Variants in OOEP observed in about 807,000 individuals in gnomAD.
OOEP encodes the protein oocyte-expressed protein homolog.
In OOEP, 16 loss-of-function variants were observed where a neutral mutation model predicts 13.7. The observed-to-expected ratio is 1.16, with a 90% CI of 0.79 to 1.77. The LOEUF (loss-of-function observed/expected upper bound fraction) is 1.77. OOEP is among the 40% of genes most tolerant of loss of function. OOEP has a pLI of 0.00. For synonymous variants in OOEP, 89 were observed against 77.1 expected (o/e 1.15, Z -0.81); for missense variants, 195 against 193.1 (o/e 1.01, Z -0.06).
intron 2 of OOEP, among the ~76,000 whole-genome samples, chr6:73,378,558 T>C (rs1281005980): frequency 6.6e-6 from 1 of 151,500 alleles, no homozygotes; most frequent in Non-Finnish European, 1.5e-5. Context: ...AGAAAGAAAA[T>C]CTATATATAT....
chr6:73,377,025 T>C, intron 2 of OOEP, among the ~76,000 whole-genome samples: 1 of 152,216 alleles, frequency 6.6e-6, no homozygotes, highest in South Asian at 2.1e-4. Flanking sequence ...TGCCCTATGG[T>C]TCTTTGGCTA....
chr6:73,391,030 C>T (rs183488005), intron 2 of OOEP: 10 of 152,202 alleles, frequency 6.6e-5, no homozygotes, highest in Middle Eastern at 3.4e-3. Flanking sequence ...ATGTTAAATC[C>T]GCCGGGCTTA....
At chr6:73,394,706 C>T (rs1769421026) in intron 1 of OOEP, 1 of 753,736 alleles carries the variant, frequency 1.3e-6, no homozygotes, top group Admixed American at 2.9e-5. Context: ...AAAGTCCCGC[C>T]CACAACGCTC....
exon 1 of OOEP, chr6:73,394,756 G>A: frequency 4.4e-6 from 5 of 1,140,306 alleles, no homozygotes; most frequent in South Asian, 3.1e-5. Flanking sequence ...GAAGTGGGCG[G>A]GATAGAGAGC....
At chr6:73,377,044 T>G (rs575879043) in intron 2 of OOEP, among the ~76,000 whole-genome samples, 1 of 152,320 alleles carries the variant, frequency 6.6e-6, no homozygotes, top group Admixed American at 6.5e-5. Flanking sequence ...TACATCCTTA[T>G]ATAATTGTGT....
upstream of OOEP, among the ~76,000 whole-genome samples, chr6:73,370,776 T>G (rs1184020537): frequency 6.6e-6 from 1 of 152,214 alleles, no homozygotes; most frequent in African/African-American, 2.4e-5. Flanking sequence ...TAACTATGTG[T>G]TTGTTTTAAA....
intron 2 of OOEP, among the ~76,000 whole-genome samples, chr6:73,389,845 TAATA>T (rs577324830): frequency 4.1e-4 from 63 of 152,300 alleles, no homozygotes; most frequent in African/African-American, 1.4e-3. Flanking sequence ...TAAAGTATAA[TAATA>T]AATAAAATAC....
intron 2 of OOEP, among the ~76,000 whole-genome samples, chr6:73,375,600 A>AAT (rs1484114398): frequency 2.1e-5 from 3 of 145,116 alleles, no homozygotes; most frequent in African/African-American, 7.4e-5. Flanking sequence ...GCTTATATAT[A>AAT]ATATATATAG....
At position 73,369,723 on chromosome 6, in the gene OOEP, G is replaced by A. The variant is rs746582278; in HGVS notation, c.70C>T (p.Leu24=). 23 of 1,613,934 alleles carry A rather than the reference G, an allele frequency of 1.4e-5. No individual in the cohort carries two copies. The highest frequency in any genetic ancestry group is 1.9e-5 in the Non-Finnish European group (23 of 1,179,902). ...GGCGGCGGAAGTGGTAACCTACGCA[G>A]CTGCTCCAGGGAGTGGGCCGGAGTC... The part of the protein sequence containing the change: ...KQTPAHSLEQ[L]RRLPLPPPQI... The change falls in exon 1 of 3, where the codon CTG becomes TTG. Residue 24 remains leucine (L), a synonymous_variant. Transcript: ENST00000370359.
chr6:73,381,238 AAAG>A (rs1451479588), intron 2 of OOEP, among the ~76,000 whole-genome samples: 21 of 151,150 alleles, frequency 1.4e-4, no homozygotes, highest in South Asian at 1.3e-3. Flanking sequence ...AGAAGAAGAA[AAAG>A]AAGAAGATGG....
upstream of OOEP, among the ~76,000 whole-genome samples, chr6:73,371,125 T>C (rs1385714337): frequency 6.6e-6 from 1 of 151,488 alleles, no homozygotes; most frequent in Admixed American, 6.6e-5. Flanking sequence ...AAACTCAAAA[T>C]AGTGAAAAGC....
intron 2 of OOEP, among the ~76,000 whole-genome samples, chr6:73,385,692 A>C (rs1009582516): frequency 6.6e-6 from 1 of 151,030 alleles, no homozygotes; most frequent in Non-Finnish European, 1.5e-5. Context: ...AGTTCAAGCG[A>C]TTCTCCTATC....
intron 2 of OOEP, among the ~76,000 whole-genome samples, chr6:73,393,711 G>A (rs1194355877): frequency 2.0e-5 from 3 of 152,094 alleles, no homozygotes; most frequent in Non-Finnish European, 2.9e-5. Context: ...CCAACTATTC[G>A]GGAGGCTGTG....
At chr6:73,371,063 C>G (rs1459703247), upstream of OOEP, among the ~76,000 whole-genome samples, 1 of 152,074 alleles carries the variant, frequency 6.6e-6, no homozygotes, top group East Asian at 1.9e-4. Flanking sequence ...ACTTTGGCCT[C>G]CCAAAGTGCT....
chr6:73,389,800 C>A (rs1769322339), intron 2 of OOEP, among the ~76,000 whole-genome samples: 1 of 152,108 alleles, frequency 6.6e-6, no homozygotes, highest in Non-Finnish European at 1.5e-5. Context: ...ACATATGTAA[C>A]AAACCTGCAC....
At chr6:73,394,346 C>T in exon 2 of OOEP, 2 of 715,526 alleles carry the variant, frequency 2.8e-6, no homozygotes, top group Non-Finnish European at 5.2e-6. Flanking sequence ...AGTGACTTAC[C>T]TTTATGGGTC....
chr6:73,372,094 C>T (rs376784898), upstream of OOEP, among the ~76,000 whole-genome samples: 12 of 152,172 alleles, frequency 7.9e-5, no homozygotes, highest in East Asian at 1.7e-3. Flanking sequence ...GGTGACAGAG[C>T]GAGACCCTAA....
chr6:73,387,337 A>C (rs549153571), intron 2 of OOEP, among the ~76,000 whole-genome samples: 1 of 151,864 alleles, frequency 6.6e-6, no homozygotes, highest in African/African-American at 2.4e-5. Flanking sequence ...GGTGAAACCC[A>C]GTCTCTACCA....
chr6:73,381,981 AAAAAC>A (rs895722643), intron 2 of OOEP, among the ~76,000 whole-genome samples: 4 of 152,100 alleles, frequency 2.6e-5, no homozygotes, highest in African/African-American at 4.8e-5. Flanking sequence ...ACTCTGTCTC[AAAAAC>A]AAAACAAAAC....
Sources: gnomAD v4.1 joint callset for allele counts (sites outside exome capture counted in the v4.1 genomes callset) on GRCh38, gnomAD v4.1.1 for gene constraint, MANE v1.5 for transcripts, NCBI Gene and HGNC (gene_info 2026-07-23, HGNC 2026-07-21) for gene names.